NELL1: variants seen among roughly 807,000 people sequenced by gnomAD.
The protein encoded by NELL1 is neural EGFL like 1, also known as protein kinase C-binding protein NELL1.
Under a neutral mutation model 107.4 loss-of-function variants are expected in NELL1, and 76 were observed. The ratio of observed to expected loss-of-function variants is 0.71; its 90% CI spans 0.59 to 0.86. NELL1 has a LOEUF of 0.86. NELL1 is among the 40% of genes least tolerant of loss of function. The probability of loss-of-function intolerance (pLI) is 0.00; values close to 1 mark genes in which losing one functional copy is unlikely to be tolerated. For synonymous variants in NELL1, 353 were observed against 341.2 expected, an observed-to-expected ratio of 1.03 and a Z score of -0.38; for missense variants, 1,024 against 1,005.5, an observed-to-expected ratio of 1.02 and a Z score of -0.25.
At chr11:21,349,179 T>A (rs181972794) in intron 14 of NELL1, among the ~76,000 whole-genome samples, 1 of 152,142 alleles carries the variant, frequency 6.6e-6, no homozygotes, top group South Asian at 2.1e-4. Flanking sequence ...AAAAAAAAAT[T>A]CTTGCTTTTA....
Position 21,204,543 on chromosome 11 carries a change from A to G in NELL1, c.1427-24789A>G, listed in dbSNP as rs370488094. Among the ~76,000 whole-genome samples, 103 of 151,952 alleles carry G rather than the reference A, an allele frequency of 6.8e-4. No individual in the cohort carries two copies. In the South Asian group the frequency reaches 0.021, roughly 31 times the overall value. On this transcript the variant is annotated intron_variant, in intron 13 of 19. Transcript: ENST00000357134. ...TTTTCAAGATTCTTAGCTTCCTTGC[A>G]TTGGGGTAGAACATGCTCCTTTAGC... is the stretch of plus-strand genomic sequence containing the variant.
At chr11:20,952,328 A>G (rs576493191) in intron 11 of NELL1, among the ~76,000 whole-genome samples, 3 of 152,320 alleles carry the variant, frequency 2.0e-5, no homozygotes, top group East Asian at 3.9e-4. Flanking sequence ...TTGCCTTGTC[A>G]TCTGGCCTGG....
chr11:20,807,075 G>T (rs188506538), intron 3 of NELL1, among the ~76,000 whole-genome samples: 347 of 151,424 alleles, frequency 2.3e-3, no homozygotes, highest in Admixed American at 5.2e-3. Context: ...TTTTGTTGGG[G>T]TCATGTTTTC....
At chr11:20,702,533 C>A (rs891287056) in intron 2 of NELL1, among the ~76,000 whole-genome samples, 1 of 152,142 alleles carries the variant, frequency 6.6e-6, no homozygotes, top group Admixed American at 6.5e-5. Context: ...CTGGCCAGAA[C>A]TTCCAACACT....
rs765470467 is a variant in NELL1, at chr11:21,264,094, G to GTGTGTGTGTGTGTGTT, written c.1549+34643_1549+34644insGTGTGTGTGTGTTTGT. Among the ~76,000 whole-genome samples, 6 of 151,532 alleles carry GTGTGTGTGTGTGTGTT rather than the reference G, an allele frequency of 4.0e-5. No homozygotes were observed. The East Asian group carries it at 1.2e-3, about 29-fold the overall frequency. On this transcript the variant is annotated intron_variant, in intron 14 of 19. Coordinates refer to ENST00000357134, the MANE Select transcript of NELL1 (RefSeq NM_006157.5). ...GGGGTGTGTGTGTGTGTGTGTGTGTGTGTTTGTGTGTCTGTCTGTCTCATC... is the reference window on the plus strand; with the variant it reads ...GGGGTGTGTGTGTGTGTGTGTGTGTGTGTGTGTGTGTGTGTTTGTTTGTGTGTCTGTCTGTCTCATC...
At chr11:21,275,223 C>G (rs2133939853) in intron 14 of NELL1, among the ~76,000 whole-genome samples, 1 of 152,148 alleles carries the variant, frequency 6.6e-6, no homozygotes, top group East Asian at 1.9e-4. Context: ...GGGATATCAC[C>G]ACCGAACCCA....
At chr11:21,477,227 G>T (rs186808314) in intron 15 of NELL1, among the ~76,000 whole-genome samples, 1 of 151,970 alleles carries the variant, frequency 6.6e-6, no homozygotes, top group Non-Finnish European at 1.5e-5. Flanking sequence ...GAGAGGGAAA[G>T]GTAAAGAGGA....
chr11:20,795,466 G>C (rs1448741585), intron 3 of NELL1, among the ~76,000 whole-genome samples: 1 of 152,136 alleles, frequency 6.6e-6, no homozygotes, highest in African/African-American at 2.4e-5. Flanking sequence ...CTGTCTTGCT[G>C]AACTATCTTA....
At position 21,434,125 on chromosome 11, in the gene NELL1, C is replaced by T. The variant is rs180683337; in HGVS notation, c.1645+63177C>T. On this transcript the variant is annotated intron_variant, in intron 15 of 19. Transcript: ENST00000357134. Reference sequence around the variant, plus strand: ...GTCAGGTTAAGTTTTCAAATATTTTCTTTTATTCTACAGGTTGTGTCTTCA... The same window carrying T: ...GTCAGGTTAAGTTTTCAAATATTTTTTTTTATTCTACAGGTTGTGTCTTCA... 3.8e-3 allele frequency among the ~76,000 whole-genome samples: 577 copies of T among 152,136 alleles called. 6 individuals carry two copies. Among genetic ancestry groups the T allele is most frequent in the Non-Finnish European group, 5.8e-3 (392 of 67,982 alleles).
At chr11:21,016,239 A>G (rs529324975) in intron 12 of NELL1, among the ~76,000 whole-genome samples, 1 of 152,250 alleles carries the variant, frequency 6.6e-6, no homozygotes, top group African/African-American at 2.4e-5. Context: ...GGCTTAATTC[A>G]TTCACTTTCT....
At chr11:21,516,304 C>T (rs1467454900) in intron 15 of NELL1, among the ~76,000 whole-genome samples, 1 of 152,138 alleles carries the variant, frequency 6.6e-6, no homozygotes, top group African/African-American at 2.4e-5. Flanking sequence ...ACTATTCATC[C>T]TCTTCCTTAT....
chr11:20,964,827 C>T (rs1851357836), intron 12 of NELL1, among the ~76,000 whole-genome samples: 1 of 152,116 alleles, frequency 6.6e-6, no homozygotes, highest in Non-Finnish European at 1.5e-5. Context: ...CTCTCTGAAA[C>T]AAAAACTGGC....
At chr11:21,126,869 T>G (rs895354527) in intron 13 of NELL1, among the ~76,000 whole-genome samples, 1 of 152,194 alleles carries the variant, frequency 6.6e-6, no homozygotes, top group Non-Finnish European at 1.5e-5. Flanking sequence ...AAACAGAGTT[T>G]ATAACTACCA....
At chr11:20,779,233 G>T (rs752772999) in intron 2 of NELL1, among the ~76,000 whole-genome samples, 4 of 152,180 alleles carry the variant, frequency 2.6e-5, no homozygotes, top group Non-Finnish European at 5.9e-5. Context: ...ATGGGTGTTG[G>T]TTTAGGGATG....
At chr11:21,148,699 A>G (rs1565083991) in intron 13 of NELL1, among the ~76,000 whole-genome samples, 1 of 152,222 alleles carries the variant, frequency 6.6e-6, no homozygotes. Context: ...GTAAGGAGCC[A>G]GTAAATTGGA....
At chr11:21,054,206 T>C (rs1853563095) in intron 12 of NELL1, among the ~76,000 whole-genome samples, 1 of 152,148 alleles carries the variant, frequency 6.6e-6, no homozygotes, top group Admixed American at 6.6e-5. Context: ...CCTTTCTCTG[T>C]AATATAAATA....
intron 12 of NELL1, among the ~76,000 whole-genome samples, chr11:21,024,241 C>T (rs1852764452): frequency 6.6e-6 from 1 of 152,096 alleles, no homozygotes; most frequent in African/African-American, 2.4e-5. Context: ...ACCAAACCAA[C>T]TTAGAAAATA....
intron 15 of NELL1, among the ~76,000 whole-genome samples, chr11:21,500,913 CT>C (rs1365587541): frequency 6.6e-6 from 1 of 152,116 alleles, no homozygotes; most frequent in Non-Finnish European, 1.5e-5. Context: ...TATTTTCCAA[CT>C]TTTATTTCAG....
At chr11:21,249,228 A>G (rs1033438195) in intron 14 of NELL1, among the ~76,000 whole-genome samples, 4 of 152,178 alleles carry the variant, frequency 2.6e-5, no homozygotes, top group African/African-American at 9.7e-5. Context: ...TATTTGGTGT[A>G]GAGATTATGC....
Sources: allele counts gnomAD v4.1 joint callset (sites outside exome capture counted in the v4.1 genomes callset), GRCh38; gene constraint gnomAD v4.1.1; transcripts MANE v1.5; gene names NCBI Gene and HGNC (gene_info 2026-07-23, HGNC 2026-07-21).